The following FMNL3 variants were observed in gnomAD, a reference collection of about 807,000 sequenced individuals.
FMNL3 encodes the protein formin like 3.
FMNL3 carries 57 observed loss-of-function variants against 119.6 expected under a neutral mutation model. The observed-to-expected ratio is 0.48, with a 90% CI of 0.39 to 0.59. FMNL3 has a LOEUF of 0.59. Among genes scored for constraint, FMNL3 ranks in the 20% least tolerant of loss-of-function variants. FMNL3 has a pLI of 0.00. For synonymous variants in FMNL3, 491 were observed against 507.3 expected, an observed-to-expected ratio of 0.97 and a Z score of 0.43; for missense variants, 1,053 against 1,323.5, an observed-to-expected ratio of 0.80 and a Z score of 3.17.
At chr12:49,666,661 T>A (rs1943899172) in intron 2 of FMNL3, among the ~76,000 whole-genome samples, 1 of 152,020 alleles carries the variant, frequency 6.6e-6, no homozygotes, top group Admixed American at 6.6e-5. Context: ...CCAGGCATGG[T>A]GGCTACCACA....
intron 1 of FMNL3, among the ~76,000 whole-genome samples, chr12:49,679,901 C>A (rs1012364404): frequency 1.3e-5 from 2 of 152,202 alleles, no homozygotes; most frequent in Non-Finnish European, 2.9e-5. Context: ...TATTTACAAA[C>A]AAGGGGGAAC....
At chr12:49,665,966 C>A in intron 3 of FMNL3, 58 bp from the exon 4 acceptor site, 2 of 1,584,408 alleles carry the variant, frequency 1.3e-6, no homozygotes, top group South Asian at 2.2e-5. Flanking sequence ...ACTTTCCCTC[C>A]ATTACTGGCC....
chr12:49,644,246 A>G lies in FMNL3; in HGVS notation c.*1569T>C. 6.3e-7 allele frequency: 1 copy of G among 1,586,750 alleles called. No individual in the cohort carries two copies. Among genetic ancestry groups the G allele is most frequent in the Non-Finnish European group, 8.6e-7 (1 of 1,156,860 alleles). On this transcript the variant is annotated 3_prime_UTR_variant, in exon 26 of 26. Coordinates refer to ENST00000335154, the MANE Select transcript of FMNL3 (RefSeq NM_175736.5). Reference sequence around the variant, plus strand: ...TGTGTGAGGCCATGGCTCCTGGGCCACCCTCACCGTCTGCCTCAGACTTCT... The same window carrying G: ...TGTGTGAGGCCATGGCTCCTGGGCCGCCCTCACCGTCTGCCTCAGACTTCT...
Position 49,648,354 on chromosome 12 carries a change from C to T in FMNL3, c.2516-1G>A, listed in dbSNP as rs1371497925. On this transcript the variant is annotated splice_acceptor_variant, in intron 21 of 25. Coordinates refer to ENST00000335154, the MANE Select transcript of FMNL3 (RefSeq NM_175736.5). LOFTEE classifies it high-confidence loss of function. ...TCCAGCAGCACGTTCTCCAGGGACA[C>T]TGGTCACCAAAAGCCTGGCTGAGGA... 1 of 1,609,648 alleles carries T rather than the reference C, an allele frequency of 6.2e-7. No individual in the cohort carries two copies. Among genetic ancestry groups the T allele is most frequent in the South Asian group, 1.1e-5 (1 of 90,636 alleles).
Position 49,638,099 on chromosome 12 carries a change from T to C in FMNL3, c.*7716A>G. The C allele has an allele frequency of 2.5e-6, 1 of 404,766 alleles. No individual in the cohort carries two copies. Among genetic ancestry groups the C allele is most frequent in the Non-Finnish European group, 4.5e-6 (1 of 222,966 alleles). 25.1% of individuals were successfully genotyped at this position (404,766 alleles called of 1,614,324 possible). A position where few individuals can be genotyped will look rare whatever the true frequency, so the allele number is the denominator to read the frequency against. ...GAATCTGAAGAACTAACATTTGAAC[T>C]GTGCATTTAGAAATTTGTAGGTGGA... On this transcript the variant is annotated 3_prime_UTR_variant, in exon 26 of 26. Transcript: ENST00000335154.
chr12:49,702,542 G>GAAAAC (rs1342979273), intron 1 of FMNL3, among the ~76,000 whole-genome samples: 2 of 151,916 alleles, frequency 1.3e-5, no homozygotes, highest in South Asian at 4.2e-4. Context: ...ACTTTAAGAG[G>GAAAAC]AAAACAAAAC....
At chr12:49,706,899 C>G (rs1432789606) in intron 1 of FMNL3, among the ~76,000 whole-genome samples, 156 bp downstream of exon 1, 5 of 147,800 alleles carry the variant, frequency 3.4e-5, no homozygotes, top group Non-Finnish European at 7.5e-5. Flanking sequence ...CGGCCAGCGG[C>G]TGCTCAGAGG....
At chr12:49,682,100 T>C (rs1160080938) in intron 1 of FMNL3, among the ~76,000 whole-genome samples, 2 of 149,302 alleles carry the variant, frequency 1.3e-5, no homozygotes, top group African/African-American at 4.9e-5. Context: ...AGACAGAGTC[T>C]CACTCTGTCG....
At chr12:49,662,255 C>A (rs2138824708) in intron 4 of FMNL3, among the ~76,000 whole-genome samples, 1 of 152,252 alleles carries the variant, frequency 6.6e-6, no homozygotes, top group Admixed American at 6.5e-5. Flanking sequence ...AAGTTCAGGC[C>A]CTTCTAATGC....
At chr12:49,705,452 G>A (rs1231035174) in intron 1 of FMNL3, among the ~76,000 whole-genome samples, 2 of 152,130 alleles carry the variant, frequency 1.3e-5, no homozygotes, top group Admixed American at 6.5e-5. Flanking sequence ...TGGCCTGGCA[G>A]CTCCCACCTA....
rs1471885146 is a variant in FMNL3 at position 49,651,403 on chromosome 12, C to G, written c.1651G>C (p.Val551Leu). 6.4e-7 allele frequency: 1 copy of G among 1,550,444 alleles called. No individual in the cohort carries two copies. The highest frequency in any genetic ancestry group is 1.2e-5 in the South Asian group (1 of 81,970). ...TCACCTGACAGGCCCACTGTCAACA[C>G]CACAGAGGGTGCAGCACCAGGGAGA... ...PPLPGAAPSV[V>L]LTVGLSAIRI... Residue 551 changes from valine to leucine, a missense_variant, in exon 15 of 26, where the codon GTG becomes CTG. Val to Leu is a conservative substitution (Grantham distance 32). Around this residue, in one of 4 missense-constraint regions of FMNL3, gnomAD observed 445 missense variants for 628.4 expected, o/e 0.71. Transcript: ENST00000335154.
intron 1 of FMNL3, among the ~76,000 whole-genome samples, chr12:49,685,205 C>A (rs921323979): frequency 1.3e-5 from 2 of 152,178 alleles, no homozygotes; most frequent in African/African-American, 4.8e-5. Context: ...AAGGTCCAGG[C>A]CGGAAGCAGT....
chr12:49,645,809 A>G lies in FMNL3; in HGVS notation c.*6T>C. ...GGGGTGAAGTGCTTCTGCCTCCGAG[A>G]GGGTCTCAGTGGGGGCCTGGAGCCC... On this transcript the variant is annotated 3_prime_UTR_variant, in exon 26 of 26. Transcript: ENST00000335154. 1 of 1,596,552 alleles carries G rather than the reference A, an allele frequency of 6.3e-7. No homozygotes were observed. Among genetic ancestry groups the G allele is most frequent in the Admixed American group, 1.9e-5 (1 of 54,018 alleles).
In FMNL3 at chr12:49,638,043, T is replaced by A; in HGVS notation, c.*7772A>T. ...AGGAAGATATACATGAGAACTGTTATACAAAGGGGCAAGTGTTATTACAGA... is the reference window on the plus strand; with the variant it reads ...AGGAAGATATACATGAGAACTGTTAAACAAAGGGGCAAGTGTTATTACAGA... On this transcript the variant is annotated 3_prime_UTR_variant, in exon 26 of 26. Coordinates refer to ENST00000335154, the MANE Select transcript of FMNL3 (RefSeq NM_175736.5). The A allele has an allele frequency of 1.8e-6, 1 of 542,348 alleles. No homozygotes were observed. Among genetic ancestry groups the A allele is most frequent in the Non-Finnish European group, 3.3e-6 (1 of 304,494 alleles). The allele number at this position is 542,348 out of a possible 1,614,324, so 33.6% of individuals were successfully genotyped here. A position where few individuals can be genotyped will look rare whatever the true frequency, so the allele number is the denominator to read the frequency against.
rs1269496160 is a variant in FMNL3 at position 49,647,464 on chromosome 12, C to G, written c.2779-96G>C. 1 of 1,374,862 alleles carries G rather than the reference C, an allele frequency of 7.3e-7. No individual in the cohort carries two copies. The highest frequency in any genetic ancestry group is 1.0e-6 in the Non-Finnish European group (1 of 975,946). The allele number at this position is 1,374,862 out of a possible 1,614,324, so 85.2% of individuals were successfully genotyped here. ...GTGGAGAGTGGGTGGCAGTGGGACCCGCTAACTCCAGGTGGCCACCCTCTG... is the reference window on the plus strand; with the variant it reads ...GTGGAGAGTGGGTGGCAGTGGGACCGGCTAACTCCAGGTGGCCACCCTCTG... On this transcript the variant is annotated intron_variant, in intron 23 of 25. Transcript: ENST00000335154. This position sits in a 1 kb window ranked among gnomAD's most constrained non-coding sequence, Gnocchi z 4.9.
chr12:49,650,655 C>T (rs756735602), intron 17 of FMNL3, 21 bp downstream of exon 17: 3 of 1,611,722 alleles, frequency 1.9e-6, no homozygotes, highest in Non-Finnish European at 1.7e-6. Flanking sequence ...GGGACCAGAG[C>T]CAGGTCAGTG....
At position 49,648,197 on chromosome 12, in the gene FMNL3, G is replaced by A; in HGVS notation, c.2672C>T (p.Ala891Val). Residue 891 changes from alanine to valine, a missense_variant, in exon 22 of 26, where the codon GCT (alanine) becomes GTT (valine). Transcript: ENST00000335154. ...CCGCCTGCACCCCGTGCTTGCCTCAGCCGTCTTGGCGTCCCGCTGGAGCTT... is the reference window on the plus strand; with the variant it reads ...CCGCCTGCACCCCGTGCTTGCCTCAACCGTCTTGGCGTCCCGCTGGAGCTT... ...LDKLQRDAKT[A>V]EEAYNAVVRY... 1 of 1,612,618 alleles carries A rather than the reference G, an allele frequency of 6.2e-7. No individual in the cohort carries two copies. The highest frequency in any genetic ancestry group is 2.2e-5 in the East Asian group (1 of 44,802).
intron 1 of FMNL3, among the ~76,000 whole-genome samples, chr12:49,705,997 C>T (rs1020943003): frequency 4.2e-5 from 6 of 141,354 alleles, no homozygotes; most frequent in African/African-American, 1.9e-4. Flanking sequence ...GAGGCAAAGG[C>T]AGAGTCGGCC....
At position 49,637,747 on chromosome 12, in the gene FMNL3, G is replaced by T; in HGVS notation, c.*8068C>A. 6.2e-7 allele frequency: 1 copy of T among 1,609,906 alleles called. No homozygotes were observed. The highest frequency in any genetic ancestry group is 8.5e-7 in the Non-Finnish European group (1 of 1,177,178). ...CCTCCTTACAGGCTCCACCCCTCTGGACTTATTCAAGTTCTATGTGGAGGA... is the reference window on the plus strand; with the variant it reads ...CCTCCTTACAGGCTCCACCCCTCTGTACTTATTCAAGTTCTATGTGGAGGA... On this transcript the variant is annotated 3_prime_UTR_variant, in exon 26 of 26. Coordinates refer to ENST00000335154, the MANE Select transcript of FMNL3 (RefSeq NM_175736.5).
Sources: allele counts gnomAD v4.1 joint callset (sites outside exome capture counted in the v4.1 genomes callset), GRCh38; gene constraint gnomAD v4.1.1; regional missense constraint gnomAD v4.1.1; non-coding constraint Gnocchi (gnomAD v3.1); transcripts MANE v1.5; gene names NCBI Gene and HGNC (gene_info 2026-07-23, HGNC 2026-07-21).